GHR: variants seen among roughly 807,000 people sequenced by gnomAD.
The protein encoded by GHR is GH receptor.
Under a neutral mutation model 67.1 loss-of-function variants are expected in GHR, and 35 were observed. The observed-to-expected ratio is 0.52, with a 90% CI of 0.40 to 0.69. The LOEUF (loss-of-function observed/expected upper bound fraction) is 0.69. GHR is among the 30% of genes least tolerant of loss of function. The pLI is 0.00. For synonymous variants in GHR, 272 were observed against 269.1 expected, an observed-to-expected ratio of 1.01 and a Z score of -0.10; for missense variants, 792 against 764.6, an observed-to-expected ratio of 1.04 and a Z score of -0.42.
Position 42,688,952 on chromosome 5 carries a change from C to T in GHR, c.199C>T (p.His67Tyr). The T allele has an allele frequency of 6.2e-7, 1 of 1,612,828 alleles. No individual in the cohort carries two copies. The highest frequency in any genetic ancestry group is 2.2e-5 in the East Asian group (1 of 44,862). ...RSPERETFSCHWTDEVHHGTK... is the reference protein window; with the variant it reads ...RSPERETFSCYWTDEVHHGTK... Reference sequence around the variant, plus strand: ...ACCTGAGCGAGAGACTTTTTCATGCCACTGGACAGATGAGGTTCATCATGG... The same window carrying T: ...ACCTGAGCGAGAGACTTTTTCATGCTACTGGACAGATGAGGTTCATCATGG... The change falls in exon 4 of 10, where the codon CAC becomes TAC. Residue 67 changes from histidine to tyrosine, a missense_variant. Physicochemically the swap from His to Tyr is moderately conservative, Grantham distance 83. Coordinates refer to ENST00000230882, the MANE Select transcript of GHR (RefSeq NM_000163.5).
At chr5:42,604,463 A>G (rs1408332469) in intron 2 of GHR, among the ~76,000 whole-genome samples, 2 of 152,152 alleles carry the variant, frequency 1.3e-5, no homozygotes, top group Non-Finnish European at 2.9e-5. Context: ...AATCAGACAA[A>G]GTAGGTCAGA....
chr5:42,496,568 C>A (rs535175698), intron 1 of GHR, among the ~76,000 whole-genome samples: 1 of 152,152 alleles, frequency 6.6e-6, no homozygotes, highest in African/African-American at 2.4e-5. Context: ...CATTGTTTGG[C>A]TTATGACGTT....
Position 42,721,091 on chromosome 5 carries a change from AT to A in GHR, c.*1674del, listed in dbSNP as rs1157671580. 6 of 152,064 alleles carry A rather than the reference AT, an allele frequency of 3.9e-5. No individual in the cohort carries two copies. The highest frequency in any genetic ancestry group is 1.2e-4 in the African/African-American group (5 of 41,358). The allele number at this position is 152,064 out of a possible 1,614,324, so 9.4% of individuals were successfully genotyped here. On this transcript the variant is annotated 3_prime_UTR_variant, in exon 10 of 10. Transcript: ENST00000230882. ...AGGCACGCACCACCATGCCAGGCTA[AT>A]TTTTTTGTATTTTAGCAGAGACGGG...
At position 42,424,519 on chromosome 5, in the gene GHR, T is replaced by C; in HGVS notation, c.-12+564T>C. On this transcript the variant is annotated intron_variant, in intron 1 of 9. Transcript: ENST00000230882. The surrounding 1 kb of genome is among the most constrained non-coding windows in gnomAD (Gnocchi z 4.1). ...GCAGAGCGCGCGGTCTTTTGCGCGT[T>C]TGTGCGGGCCGCAGCCGCACGTTGG... 2 of 1,445,974 alleles carry C rather than the reference T, an allele frequency of 1.4e-6. No individual in the cohort carries two copies. The highest frequency in any genetic ancestry group is 5.0e-5 in the East Asian group (2 of 40,378). The allele number at this position is 1,445,974 out of a possible 1,614,324, so 89.6% of individuals were successfully genotyped here.
At chr5:42,605,029 A>G (rs1332848527) in intron 2 of GHR, among the ~76,000 whole-genome samples, 1 of 151,480 alleles carries the variant, frequency 6.6e-6, no homozygotes, top group Non-Finnish European at 1.5e-5. Flanking sequence ...AGTCTTGTCA[A>G]ACTGGCTTTG....
chr5:42,510,070 T>A (rs927809140), intron 1 of GHR, among the ~76,000 whole-genome samples: 1 of 152,194 alleles, frequency 6.6e-6, no homozygotes, highest in Non-Finnish European at 1.5e-5. Flanking sequence ...AACTGCCTCA[T>A]CCGTCAGTTA....
intron 2 of GHR, among the ~76,000 whole-genome samples, chr5:42,616,409 C>G (rs760516116): frequency 5.9e-5 from 9 of 152,022 alleles, no homozygotes; most frequent in Non-Finnish European, 1.2e-4. Context: ...AAAGATGACT[C>G]AGAAGTGTTT....
chr5:42,514,235 T>G lies in GHR; in HGVS notation c.-11-51629T>G, dbSNP rs1747144929. 3 of 985,256 alleles carry G rather than the reference T, an allele frequency of 3.0e-6. No homozygotes were observed. The South Asian group carries it at 1.4e-4, about 46-fold the overall frequency. 61.0% of individuals were successfully genotyped at this position (985,256 alleles called of 1,614,324 possible). A position where few individuals can be genotyped will look rare whatever the true frequency, so the allele number is the denominator to read the frequency against. Reference sequence around the variant, plus strand: ...TCTGGGTGCAAGTCCACAGGCAAGATTTGTTCTGCAAATCTTCCATGACCA... The same window carrying G: ...TCTGGGTGCAAGTCCACAGGCAAGAGTTGTTCTGCAAATCTTCCATGACCA... On this transcript the variant is annotated intron_variant, in intron 1 of 9. Coordinates refer to ENST00000230882, the MANE Select transcript of GHR (RefSeq NM_000163.5).
At chr5:42,446,395 G>A (rs925399125) in intron 1 of GHR, among the ~76,000 whole-genome samples, 2 of 152,214 alleles carry the variant, frequency 1.3e-5, no homozygotes, top group African/African-American at 4.8e-5. Flanking sequence ...TGATGTGTTA[G>A]GGAAATGGTA....
chr5:42,689,051 T>G (rs1757296869), intron 4 of GHR, 32 bp downstream of exon 4: 1 of 1,595,444 alleles, frequency 6.3e-7, no homozygotes, highest in Non-Finnish European at 8.6e-7. Flanking sequence ...GATTTTCCTC[T>G]CCATGGATGT....
At chr5:42,448,569 T>C (rs1327223271) in intron 1 of GHR, among the ~76,000 whole-genome samples, 1 of 98,414 alleles carries the variant, frequency 1.0e-5, no homozygotes, top group African/African-American at 3.9e-5. Context: ...GGGTTATCTG[T>C]TTACTATTAT....
At chr5:42,591,732 C>G (rs1048948678) in intron 2 of GHR, among the ~76,000 whole-genome samples, 1 of 152,154 alleles carries the variant, frequency 6.6e-6, no homozygotes, top group Admixed American at 6.5e-5. Context: ...CCCTTACCCT[C>G]CTGCCCCTCC....
intron 1 of GHR, among the ~76,000 whole-genome samples, chr5:42,537,427 CAGG>C (rs1391561981): frequency 6.6e-6 from 1 of 152,128 alleles, no homozygotes; most frequent in African/African-American, 2.4e-5. Flanking sequence ...AATACTCATT[CAGG>C]AGTAACTTAT....
At chr5:42,548,533 A>G (rs1748847375) in intron 1 of GHR, 1 of 971,984 alleles carries the variant, frequency 1.0e-6, no homozygotes, top group African/African-American at 1.8e-5. Flanking sequence ...ACTATTGGTT[A>G]GTATTCCCTT....
intron 3 of GHR, among the ~76,000 whole-genome samples, chr5:42,671,824 C>A (rs1380037975): frequency 6.6e-6 from 1 of 151,394 alleles, no homozygotes; most frequent in African/African-American, 2.4e-5. Flanking sequence ...GGCGTAGGGG[C>A]GGGCGCCTGT....
chr5:42,538,372 C>T (rs1429790360), intron 1 of GHR, among the ~76,000 whole-genome samples: 2 of 152,174 alleles, frequency 1.3e-5, no homozygotes, highest in Admixed American at 6.5e-5. Context: ...GCTGGCTTGG[C>T]AGGGGCCAAT....
intron 2 of GHR, among the ~76,000 whole-genome samples, chr5:42,603,926 T>G (rs1752499976): frequency 6.6e-6 from 1 of 152,336 alleles, no homozygotes; most frequent in Admixed American, 6.5e-5. Context: ...CCTGTACTTC[T>G]TACTGACTGG....
At chr5:42,468,024 C>A in intron 1 of GHR, 1 of 795,202 alleles carries the variant, frequency 1.3e-6, no homozygotes, top group South Asian at 1.7e-5. Context: ...AACTCAGGTC[C>A]TTAAGGATCA....
intron 1 of GHR, among the ~76,000 whole-genome samples, chr5:42,516,098 T>A (rs191252205): frequency 3.9e-4 from 59 of 152,320 alleles, no homozygotes; most frequent in African/African-American, 1.4e-3. Flanking sequence ...GTCTTTATAA[T>A]CTCTAATTGG....
Sources: gnomAD v4.1 joint callset for allele counts (sites outside exome capture counted in the v4.1 genomes callset) on GRCh38, gnomAD v4.1.1 for gene constraint, Gnocchi (gnomAD v3.1) non-coding constraint, MANE v1.5 for transcripts, NCBI Gene and HGNC (gene_info 2026-07-23, HGNC 2026-07-21) for gene names.